KLC4: variants seen among roughly 807,000 people sequenced by gnomAD.
KLC4 encodes the protein kinesin-like protein 8.
A neutral mutation model predicts 77.2 loss-of-function variants in KLC4; 49 were observed. The observed-to-expected ratio is 0.63, with a 90% CI of 0.50 to 0.80. KLC4 has a LOEUF of 0.80. Ranked by LOEUF, KLC4 falls within the 30% of genes least tolerant of loss-of-function variation. KLC4 has a pLI of 0.00. For synonymous variants in KLC4, 274 were observed against 314.5 expected, an observed-to-expected ratio of 0.87 and a Z score of 1.36; for missense variants, 669 against 793.5, an observed-to-expected ratio of 0.84 and a Z score of 1.89.
chr6:43,065,623 G>A lies in KLC4; in HGVS notation c.493G>A (p.Glu165Lys). The change falls in exon 4 of 16, where the codon GAG becomes AAG. Residue 165 changes from glutamate to lysine, a missense_variant. Transcript: ENST00000347162. ...TATGTTGCTTCTTCCCTTCCAGGAG[G>A]AGAAAGAAGGCGATGCCACCAAGGA... ...QYDEDGHTSEEKEGDATKDSL... is the reference protein window; with the variant it reads ...QYDEDGHTSEKKEGDATKDSL... The A allele has an allele frequency of 1.2e-6, 2 of 1,612,758 alleles. No individual in the cohort carries two copies. The highest frequency in any genetic ancestry group is 4.5e-5 in the East Asian group (2 of 44,878).
Position 43,066,979 on chromosome 6 carries a change from C to T in KLC4, c.792-17C>T. ...TGCGGGTTCAGGGTAACTCCTGTCA[C>T]TTTTGTCTTCTTCCAGTGACCAGAA... On this transcript the variant is annotated splice_polypyrimidine_tract_variant and intron_variant, in intron 5 of 15. Transcript: ENST00000347162. The T allele has an allele frequency of 6.2e-7, 1 of 1,606,796 alleles. No homozygotes were observed. Among genetic ancestry groups the T allele is most frequent in the Non-Finnish European group, 8.5e-7 (1 of 1,174,160 alleles).
At chr6:43,059,917 C>A (rs1456340037) in intron 1 of KLC4, 1 of 1,272,322 alleles carries the variant, frequency 7.9e-7, no homozygotes, top group African/African-American at 1.5e-5. Flanking sequence ...GTCGTTAGGC[C>A]TCCACGTCCT....
intron 6 of KLC4, among the ~76,000 whole-genome samples, chr6:43,070,062 C>T (rs1439790667): frequency 7.1e-6 from 1 of 141,782 alleles, no homozygotes; most frequent in African/African-American, 2.6e-5. Flanking sequence ...CTTGCCTCCT[C>T]AAAGGTAATC....
intron 6 of KLC4, among the ~76,000 whole-genome samples, chr6:43,068,775 C>G (rs1013561868): frequency 1.3e-5 from 2 of 152,180 alleles, no homozygotes; most frequent in Non-Finnish European, 2.9e-5. Context: ...CGCACCACTG[C>G]ACTCCAGCCT....
At chr6:43,065,438 C>T (rs1765370863) in intron 3 of KLC4, 182 bp from the exon 4 acceptor site, 2 of 534,660 alleles carry the variant, frequency 3.7e-6, no homozygotes, top group Non-Finnish European at 3.4e-6. Context: ...GCATCTCTGG[C>T]TGTTACAAAC....
rs200265418 is a variant in KLC4, at chr6:43,066,952, C to T, written c.792-44C>T. ...CAAAGGGAAGGAGGGAAGGAGAAGG[C>T]TTGCGGGTTCAGGGTAACTCCTGTC... On this transcript the variant is annotated intron_variant, in intron 5 of 15. Transcript: ENST00000347162. The T allele has an allele frequency of 5.0e-5, 80 of 1,587,126 alleles. No individual in the cohort carries two copies. In the Admixed American group the frequency reaches 1.3e-3, roughly 26 times the overall value.
In KLC4 at chr6:43,066,374, T is replaced by C; in HGVS notation, c.640T>C (p.Leu214=). The C allele has an allele frequency of 2.5e-6, 4 of 1,614,172 alleles. No individual in the cohort carries two copies. The highest frequency in any genetic ancestry group is 3.4e-6 in the Non-Finnish European group (4 of 1,180,018). Residue 214 remains leucine, a synonymous_variant, in exon 5 of 16, where the codon TTG becomes CTG. Coordinates refer to ENST00000347162, the MANE Select transcript of KLC4 (RefSeq NM_201521.3). The part of the protein sequence containing the change: ...GYEIPARLRT[L]HNLVIQYAAQ... ...TGAGATCCCAGCAAGGTTGCGGACG[T>C]TGCACAACCTGGTGATCCAGTACGC...
intron 3 of KLC4, chr6:43,065,407 A>G: frequency 4.0e-6 from 2 of 497,284 alleles, no homozygotes; most frequent in South Asian, 2.8e-5. Context: ...AAGGAGGGGA[A>G]GTCTTGAGAT....
intron 5 of KLC4, 70 bp downstream of exon 5, chr6:43,066,595 A>C: frequency 7.1e-7 from 1 of 1,399,128 alleles, no homozygotes; most frequent in Non-Finnish European, 1.0e-6. Context: ...TTTGGCTTTC[A>C]TTTTTCCTCT....
chr6:43,072,653 T>C, intron 12 of KLC4, 171 bp from the exon 13 acceptor site: 1 of 629,884 alleles, frequency 1.6e-6, no homozygotes, highest in East Asian at 2.7e-5. Flanking sequence ...CAGATCTATA[T>C]ATAGCAATGC....
At position 43,071,349 on chromosome 6, in the gene KLC4, T is replaced by C. The variant is rs1330749175; in HGVS notation, c.1230T>C (p.His410=). The C allele has an allele frequency of 9.3e-6, 15 of 1,613,524 alleles. No individual in the cohort carries two copies. Among genetic ancestry groups the C allele is most frequent in the East Asian group, 2.2e-5 (1 of 44,884 alleles). Residue 410 remains histidine (H), a synonymous_variant, in exon 9 of 16, where the codon CAT becomes CAC. Transcript: ENST00000347162. ...ACAAAGAGATCCTGACCCGTGCCCA[T>C]GTACAGGAGTTTGGGTCTGTGGATG... The part of the protein sequence containing the change: ...TLYKEILTRA[H]VQEFGSVDDD...
rs1765661398 is a variant in KLC4, at chr6:43,070,467, C to T, written c.981+12C>T. 1 of 1,587,520 alleles carries T rather than the reference C, an allele frequency of 6.3e-7. No individual in the cohort carries two copies. The highest frequency in any genetic ancestry group is 1.3e-5 in the African/African-American group (1 of 74,230). ...AGATTCGAGAAAAGGTACCCATGCCCTCTCTCCCTTCTTCTCTTGTCGCTG... is the reference window on the plus strand; with the variant it reads ...AGATTCGAGAAAAGGTACCCATGCCTTCTCTCCCTTCTTCTCTTGTCGCTG... On this transcript the variant is annotated intron_variant, in intron 7 of 15. Transcript: ENST00000347162.
At chr6:43,068,275 C>A (rs1765554450) in intron 6 of KLC4, among the ~76,000 whole-genome samples, 1 of 150,356 alleles carries the variant, frequency 6.7e-6, no homozygotes, top group Admixed American at 6.6e-5. Flanking sequence ...AGTTCAAGAC[C>A]ATCCTGGCCA....
intron 6 of KLC4, among the ~76,000 whole-genome samples, chr6:43,070,112 GAAAGA>G (rs1435785396): frequency 3.7e-4 from 35 of 94,934 alleles, no homozygotes; most frequent in African/African-American, 3.0e-3. Context: ...AAAAAAAAAA[GAAAGA>G]AAAAAAACAC....
intron 6 of KLC4, among the ~76,000 whole-genome samples, chr6:43,067,996 C>T (rs111670133): frequency 1.0e-5 from 1 of 97,076 alleles, no homozygotes; most frequent in African/African-American, 6.3e-5. Flanking sequence ...CCTGTAGTCC[C>T]AGCTGCTTGG....
At position 43,061,531 on chromosome 6, in the gene KLC4, G is replaced by A. The variant is rs1765159385; in HGVS notation, c.196G>A (p.Glu66Lys). The change falls in exon 2 of 16, where the codon GAG (glutamate) becomes AAG (lysine). Residue 66 changes from glutamate to lysine, a missense_variant. Glu to Lys is a moderately conservative substitution (Grantham distance 56). Transcript: ENST00000347162. ...AGGCCATGAGGAAGGGCTGGTGCATGAGAAGGCCCGGCAGCTTCGCCGTTC... is the reference window on the plus strand; with the variant it reads ...AGGCCATGAGGAAGGGCTGGTGCATAAGAAGGCCCGGCAGCTTCGCCGTTC... The part of the protein sequence containing the change: ...QGGHEEGLVH[E>K]KARQLRRSME... The A allele has an allele frequency of 1.9e-6, 3 of 1,614,074 alleles. No individual in the cohort carries two copies. Among genetic ancestry groups the A allele is most frequent in the East Asian group, 2.2e-5 (1 of 44,886 alleles).
In KLC4 at chr6:43,071,549, C is replaced by T. The variant is rs755445843; in HGVS notation, c.1256-18C>T. On this transcript the variant is annotated intron_variant, in intron 9 of 15. Coordinates refer to ENST00000347162, the MANE Select transcript of KLC4 (RefSeq NM_201521.3). ...TAGCTCCCATCTCTAACCTCCCCAC[C>T]CCATGTATCACCCCTAGATGACCAC... 6 of 1,610,882 alleles carry T rather than the reference C, an allele frequency of 3.7e-6. No homozygotes were observed. In the East Asian group the frequency reaches 1.3e-4, roughly 36 times the overall value.
Position 43,074,877 on chromosome 6 carries a change from C to A in KLC4, c.*205C>A. The A allele has an allele frequency of 1.7e-6, 1 of 586,706 alleles. No individual in the cohort carries two copies. 36.3% of individuals were successfully genotyped at this position (586,706 alleles called of 1,614,324 possible). A position where few individuals can be genotyped will look rare whatever the true frequency, so the allele number is the denominator to read the frequency against. ...GACCCTCAGGACACCCTCTCTGCAC[C>A]CTGTGGTCCTCTAGAGTAGCTAGCT... On this transcript the variant is annotated 3_prime_UTR_variant, in exon 16 of 16. Transcript: ENST00000347162.
In KLC4 at chr6:43,062,690, T is replaced by A. The variant is rs570051559; in HGVS notation, c.259-227T>A. On this transcript the variant is annotated intron_variant, in intron 2 of 15. Transcript: ENST00000347162. Reference sequence around the variant, plus strand: ...AACGAGGCCAGTGAGGAAGTTATTGTAATAATTTGGGTAGGAATTGATAGT... The same window carrying A: ...AACGAGGCCAGTGAGGAAGTTATTGAAATAATTTGGGTAGGAATTGATAGT... The A allele has an allele frequency of 5.2e-6, 3 of 572,196 alleles. No homozygotes were observed. The East Asian group carries it at 8.7e-5, about 17-fold the overall frequency. 35.4% of individuals were successfully genotyped at this position (572,196 alleles called of 1,614,324 possible).
Sources: allele counts gnomAD v4.1 joint callset (sites outside exome capture counted in the v4.1 genomes callset), GRCh38; gene constraint gnomAD v4.1.1; transcripts MANE v1.5; gene names NCBI Gene and HGNC (gene_info 2026-07-23, HGNC 2026-07-21).